LRP1B: variants seen among roughly 807,000 people sequenced by gnomAD.
LRP1B encodes LDL receptor related protein 1B, also known as low-density lipoprotein receptor-related protein 1B.
In LRP1B, 217 loss-of-function variants were observed where a neutral mutation model predicts 556.6. That is an observed-to-expected ratio of 0.39 (90% CI 0.35 to 0.44). The LOEUF is 0.44. Ranked by LOEUF, LRP1B falls within the 20% of genes least tolerant of loss-of-function variation. The pLI is 1.00. For missense variants in LRP1B, 5,053 were observed against 5,620.8 expected (o/e 0.90, Z 3.23); for synonymous variants, 2,047 against 1,865.8 (o/e 1.10, Z -2.50).
chr2:141,162,580 G>C (rs1229608168), intron 7 of LRP1B, among the ~76,000 whole-genome samples: 1 of 151,936 alleles, frequency 6.6e-6, no homozygotes, highest in Non-Finnish European at 1.5e-5. Flanking sequence ...AGGAAACTCT[G>C]GCAGGCAAGG....
rs770892195 is a variant in LRP1B at position 140,238,224 on chromosome 2, G to T, written c.13488C>A (p.Asn4496Lys). The T allele has an allele frequency of 5.6e-6, 9 of 1,600,026 alleles. No individual in the cohort carries two copies. Among genetic ancestry groups the T allele is most frequent in the Non-Finnish European group, 7.7e-6 (9 of 1,169,360 alleles). ...TGTGATCATGATCTACCTCATACAT[G>T]TTATAAGATGGATTGCCAATTTCTA... ...INVEIGNPSY[N>K]MYEVDHDHND... is the part of the protein sequence containing the mutation. The change falls in exon 89 of 91, where the codon AAC becomes AAA. Residue 4496 changes from asparagine (N) to lysine (K), a missense_variant. Asn to Lys is a moderately conservative substitution (Grantham distance 94). Around this residue, in one of 5 missense-constraint regions of LRP1B, gnomAD observed 551 missense variants for 592.0 expected, o/e 0.93. Coordinates refer to ENST00000389484, the MANE Select transcript of LRP1B (RefSeq NM_018557.3).
At chr2:142,038,099 A>G (rs909949161) in intron 1 of LRP1B, among the ~76,000 whole-genome samples, 1 of 151,608 alleles carries the variant, frequency 6.6e-6, no homozygotes, top group African/African-American at 2.4e-5. Flanking sequence ...AATTATTTAA[A>G]GCAACACTTT....
chr2:140,810,059 T>A (rs1242762302), intron 32 of LRP1B, among the ~76,000 whole-genome samples: 2 of 152,222 alleles, frequency 1.3e-5, no homozygotes, highest in Non-Finnish European at 2.9e-5. Flanking sequence ...TTATGAAACA[T>A]ATCTTGGTTT....
intron 1 of LRP1B, among the ~76,000 whole-genome samples, chr2:141,913,922 A>G (rs1399947183): frequency 6.6e-6 from 1 of 151,850 alleles, no homozygotes; most frequent in Non-Finnish European, 1.5e-5. Context: ...AATTTTTTGT[A>G]TTTTTAGTAG....
intron 20 of LRP1B, among the ~76,000 whole-genome samples, chr2:140,931,228 A>T (rs1168854696): frequency 6.6e-6 from 1 of 152,130 alleles, no homozygotes; most frequent in Non-Finnish European, 1.5e-5. Flanking sequence ...TCCTTATCCC[A>T]TTGGACCTTC....
chr2:140,379,892 C>T (rs999179951), intron 67 of LRP1B, among the ~76,000 whole-genome samples: 2 of 152,108 alleles, frequency 1.3e-5, no homozygotes, highest in African/African-American at 4.8e-5. Context: ...CATGTTCCTA[C>T]ACTCCTTTGT....
chr2:141,676,367 T>A (rs921832339), intron 2 of LRP1B, among the ~76,000 whole-genome samples: 2 of 152,132 alleles, frequency 1.3e-5, no homozygotes, highest in African/African-American at 4.8e-5. Flanking sequence ...TCCTACAATG[T>A]CTTGTGGCCT....
At chr2:140,300,318 C>G (rs1252601616) in intron 83 of LRP1B, among the ~76,000 whole-genome samples, 1 of 152,084 alleles carries the variant, frequency 6.6e-6, no homozygotes, top group Non-Finnish European at 1.5e-5. Flanking sequence ...GGGAAATGAA[C>G]TTTCTGTTGC....
At chr2:140,358,669 G>A (rs1682357284) in intron 73 of LRP1B, 152 bp downstream of exon 73, 1 of 745,128 alleles carries the variant, frequency 1.3e-6, no homozygotes, top group East Asian at 3.1e-5. Flanking sequence ...AATGCTGGTG[G>A]AATATTTTTA....
At chr2:141,456,317 C>T (rs11902970) in intron 3 of LRP1B, among the ~76,000 whole-genome samples, 9,236 of 152,202 alleles carry the variant, frequency 0.061, 510 homozygotes, top group African/African-American at 0.14. Flanking sequence ...AAATGTCCTG[C>T]CTTGATTTCC....
At chr2:142,119,433 A>G (rs1199434433) in intron 1 of LRP1B, among the ~76,000 whole-genome samples, 1 of 152,178 alleles carries the variant, frequency 6.6e-6, no homozygotes, top group East Asian at 1.9e-4. Context: ...ACTGAGTGAG[A>G]TATTTTGGGG....
chr2:141,775,187 C>T (rs1203090077), intron 2 of LRP1B, among the ~76,000 whole-genome samples: 1 of 152,190 alleles, frequency 6.6e-6, no homozygotes, highest in African/African-American at 2.4e-5. Context: ...AGCACATACT[C>T]GTGGGTTATC....
chr2:141,803,236 A>C (rs2105692167), intron 2 of LRP1B, among the ~76,000 whole-genome samples: 1 of 149,540 alleles, frequency 6.7e-6, no homozygotes, highest in East Asian at 2.0e-4. Context: ...TTTTAATTGT[A>C]GAGGCAGACT....
chr2:141,297,259 T>C (rs1686216656), intron 3 of LRP1B, among the ~76,000 whole-genome samples: 1 of 152,214 alleles, frequency 6.6e-6, no homozygotes, highest in South Asian at 2.1e-4. Flanking sequence ...TAGTGAGATA[T>C]CATCTCACAC....
At chr2:141,910,255 G>A (rs1699873550) in intron 1 of LRP1B, among the ~76,000 whole-genome samples, 1 of 151,654 alleles carries the variant, frequency 6.6e-6, no homozygotes, top group Non-Finnish European at 1.5e-5. Flanking sequence ...TTTCTAGCCA[G>A]CCACACTTAG....
chr2:141,082,783 C>A (rs1039026160), intron 7 of LRP1B, among the ~76,000 whole-genome samples: 1 of 152,090 alleles, frequency 6.6e-6, no homozygotes, highest in African/African-American at 2.4e-5. Context: ...CATGTAGGGA[C>A]AAAGGTTAAA....
intron 66 of LRP1B, among the ~76,000 whole-genome samples, chr2:140,428,192 A>T (rs1685746961): frequency 6.6e-6 from 1 of 152,150 alleles, no homozygotes; most frequent in Admixed American, 6.5e-5. Flanking sequence ...CAAAAATTAA[A>T]TTCTGGCCCT....
chr2:140,233,625 C>A (rs901983836), intron 90 of LRP1B, among the ~76,000 whole-genome samples: 47 of 151,130 alleles, frequency 3.1e-4, no homozygotes, highest in African/African-American at 1.0e-3. Context: ...TTCACTGAGA[C>A]TTTATTATAA....
Position 140,541,800 on chromosome 2 carries a change from C to T in LRP1B, c.7366G>A (p.Val2456Ile), listed in dbSNP as rs150174082. The T allele has an allele frequency of 7.9e-4, 1,269 of 1,611,102 alleles. 2 individuals carry two copies. The highest frequency in any genetic ancestry group is 1.2e-3 in the Middle Eastern group (7 of 6,036). Residue 2456 changes from valine to isoleucine, a missense_variant, in exon 44 of 91, where the codon GTT becomes ATT. Val to Ile is a conservative substitution (Grantham distance 29, BLOSUM62 3). Around this residue, in one of 5 missense-constraint regions of LRP1B, gnomAD observed 3,619 missense variants for 3,931.9 expected, o/e 0.92. Coordinates refer to ENST00000389484, the MANE Select transcript of LRP1B (RefSeq NM_018557.3). ...IPHQPMGIIA[V>I]ANDTNSCELS... ...TTACAGCTATTGGTGTCATTGGCAA[C>T]AGCTATGATTCCCATTGGCTGATGT...
Sources: gnomAD v4.1 joint callset for allele counts (sites outside exome capture counted in the v4.1 genomes callset) on GRCh38, gnomAD v4.1.1 for gene constraint, gnomAD v4.1.1 regional missense constraint, MANE v1.5 for transcripts, NCBI Gene and HGNC (gene_info 2026-07-23, HGNC 2026-07-21) for gene names.